Variants in RNF8 observed in about 807,000 individuals in gnomAD.
The protein encoded by RNF8 is ring finger protein 8.
A neutral mutation model predicts 59.3 loss-of-function variants in RNF8; 8 were observed. The ratio of observed to expected loss-of-function variants is 0.13; its 90% CI spans 0.08 to 0.24. The LOEUF (loss-of-function observed/expected upper bound fraction) is 0.24. RNF8 is among the 10% of genes least tolerant of loss of function. RNF8 has a pLI of 1.00. For missense variants in RNF8, 406 were observed against 572.6 expected, an observed-to-expected ratio of 0.71 and a Z score of 2.97; for synonymous variants, 162 against 200.0, an observed-to-expected ratio of 0.81 and a Z score of 1.60.
In RNF8 at chr6:37,381,134, C is replaced by T. The variant is rs1374493765; in HGVS notation, c.1237-16C>T. On this transcript the variant is annotated splice_polypyrimidine_tract_variant and intron_variant, in intron 6 of 7. Coordinates refer to ENST00000373479, the MANE Select transcript of RNF8 (RefSeq NM_003958.4). ...GCATGAAAGTTCTGATATGTGTGTC[C>T]ACATTCCTACTGTAGGCTGTCACCT... 1.2e-6 allele frequency: 2 copies of T among 1,607,114 alleles called. No individual in the cohort carries two copies. The highest frequency in any genetic ancestry group is 1.7e-5 in the Admixed American group (1 of 59,994).
intron 7 of RNF8, among the ~76,000 whole-genome samples, 179 bp from the exon 8 acceptor site, chr6:37,390,563 C>T (rs990565840): frequency 6.6e-6 from 1 of 152,108 alleles, no homozygotes; most frequent in Non-Finnish European, 1.5e-5. Flanking sequence ...CTTTAACTCA[C>T]TGTGAGAGGA....
chr6:37,358,536 G>T (rs1769201415), intron 1 of RNF8, among the ~76,000 whole-genome samples: 1 of 152,142 alleles, frequency 6.6e-6, no homozygotes, highest in African/African-American at 2.4e-5. Context: ...TCAATGTGGG[G>T]ATGAGGGACA....
intron 7 of RNF8, among the ~76,000 whole-genome samples, chr6:37,386,436 C>G (rs1229107963): frequency 6.6e-6 from 1 of 152,112 alleles, no homozygotes; most frequent in African/African-American, 2.4e-5. Context: ...CTGCAGGCAC[C>G]CGGAAAAGTT....
chr6:37,363,234 C>G (rs1429089334), intron 2 of RNF8, among the ~76,000 whole-genome samples: 1 of 152,206 alleles, frequency 6.6e-6, no homozygotes, highest in African/African-American at 2.4e-5. Context: ...CCTCCAGCAA[C>G]TAGAGCAGTG....
At chr6:37,359,250 C>T (rs1173017757) in intron 1 of RNF8, 1 of 451,346 alleles carries the variant, frequency 2.2e-6, no homozygotes, top group Admixed American at 2.4e-5. Context: ...TCTTTTCAAC[C>T]TTTTCCGGAA....
chr6:37,381,338 C>T lies in RNF8; in HGVS notation c.1425C>T (p.Leu475=), dbSNP rs774158527. 3 of 1,613,876 alleles carry T rather than the reference C, an allele frequency of 1.9e-6. No homozygotes were observed. The highest frequency in any genetic ancestry group is 1.3e-5 in the African/African-American group (1 of 74,906). ...AAGTGAAAGAACGACGAATTGTTCT[C>T]ATTAGGGAACGAAAAGGTGAGTGGG... ...SSEVKERRIV[L]IRERKAKRLF The change falls in exon 7 of 8, where the codon CTC becomes CTT. Residue 475 remains leucine (L), a synonymous_variant. Coordinates refer to ENST00000373479, the MANE Select transcript of RNF8 (RefSeq NM_003958.4).
intron 1 of RNF8, among the ~76,000 whole-genome samples, chr6:37,355,716 A>G (rs1044597665): frequency 3.3e-5 from 5 of 152,162 alleles, no homozygotes; most frequent in Non-Finnish European, 7.4e-5. Flanking sequence ...CTGCCTCCAA[A>G]TACCTCTTCT....
chr6:37,369,277 A>G, intron 3 of RNF8, 59 bp downstream of exon 3: 1 of 1,494,350 alleles, frequency 6.7e-7, no homozygotes, highest in Non-Finnish European at 8.9e-7. Flanking sequence ...GCACTTCATG[A>G]GTCTCTGGCC....
At chr6:37,380,747 A>AT (rs1770225764) in intron 6 of RNF8, among the ~76,000 whole-genome samples, 1 of 150,474 alleles carries the variant, frequency 6.6e-6, no homozygotes, top group East Asian at 2.0e-4. Flanking sequence ...CAGTGGTGTG[A>AT]TTTTGTCTCA....
At chr6:37,381,054 C>A in intron 6 of RNF8, 96 bp from the exon 7 acceptor site, 1 of 1,029,976 alleles carries the variant, frequency 9.7e-7, no homozygotes, top group Non-Finnish European at 1.5e-6. Flanking sequence ...TCCATTTGGC[C>A]TTTGAAATTC....
chr6:37,376,754 A>G (rs1475705032), intron 5 of RNF8, among the ~76,000 whole-genome samples, 172 bp from the exon 6 acceptor site: 1 of 152,244 alleles, frequency 6.6e-6, no homozygotes, highest in Non-Finnish European at 1.5e-5. Context: ...TTAGAAAACA[A>G]TTATTGAAAA....
Position 37,390,809 on chromosome 6 carries a change from G to C in RNF8, c.*51G>C, listed in dbSNP as rs1215068662. ...AGACTGCCAGGTAGTGCGAGCCTGA[G>C]ATGGTCTGGAGGATTCTCTCTAGCC... is the stretch of plus-strand genomic sequence containing the variant. On this transcript the variant is annotated 3_prime_UTR_variant, in exon 8 of 8. Coordinates refer to ENST00000373479, the MANE Select transcript of RNF8 (RefSeq NM_003958.4). 1 of 1,614,036 alleles carries C rather than the reference G, an allele frequency of 6.2e-7. No homozygotes were observed. Among genetic ancestry groups the C allele is most frequent in the Non-Finnish European group, 8.5e-7 (1 of 1,180,006 alleles).
intron 1 of RNF8, among the ~76,000 whole-genome samples, chr6:37,357,053 T>C (rs1033358442): frequency 6.6e-6 from 1 of 152,188 alleles, no homozygotes; most frequent in Non-Finnish European, 1.5e-5. Context: ...TTACTTGTTA[T>C]TTGAGAAACA....
chr6:37,360,307 G>A lies in RNF8; in HGVS notation c.112-139G>A. 1.2e-6 allele frequency: 1 copy of A among 860,322 alleles called. No individual in the cohort carries two copies. Among genetic ancestry groups the A allele is most frequent in the Non-Finnish European group, 1.9e-6 (1 of 532,736 alleles). The allele number at this position is 860,322 out of a possible 1,614,324, so 53.3% of individuals were successfully genotyped here. On this transcript the variant is annotated intron_variant, in intron 1 of 7. Coordinates refer to ENST00000373479, the MANE Select transcript of RNF8 (RefSeq NM_003958.4). This position sits in a 1 kb window ranked among gnomAD's most constrained non-coding sequence, Gnocchi z 4.2. Reference sequence around the variant, plus strand: ...CAAGACAGCTGAAGAGGAGATAGCTGATGCACTGTTTTGGTTCCACAGGTG... The same window carrying A: ...CAAGACAGCTGAAGAGGAGATAGCTAATGCACTGTTTTGGTTCCACAGGTG...
chr6:37,371,462 T>C (rs1581680505), intron 3 of RNF8, 50 bp from the exon 4 acceptor site: 1 of 1,544,594 alleles, frequency 6.5e-7, no homozygotes. Flanking sequence ...TTGTGTTCCT[T>C]TTTTTCTTTT....
At position 37,381,327 on chromosome 6, in the gene RNF8, C is replaced by T. The variant is rs1581693170; in HGVS notation, c.1414C>T (p.Arg472Ter). 3.1e-6 allele frequency: 5 copies of T among 1,613,972 alleles called. No homozygotes were observed. The highest frequency in any genetic ancestry group is 4.2e-6 in the Non-Finnish European group (5 of 1,179,992). Residue 472 changes from arginine (R) to a stop codon, truncating the protein, a stop_gained, in exon 7 of 8, where the codon CGA becomes TGA. Coordinates refer to ENST00000373479, the MANE Select transcript of RNF8 (RefSeq NM_003958.4). LOFTEE classifies it high-confidence loss of function. Reference protein sequence around the residue: ...NNLSSEVKERRIVLIRERKAK... With the variant: ...NNLSSEVKER Reference sequence around the variant, plus strand: ...TCTGAGCTCAGAAGTGAAAGAACGACGAATTGTTCTCATTAGGGAACGAAA... The same window carrying T: ...TCTGAGCTCAGAAGTGAAAGAACGATGAATTGTTCTCATTAGGGAACGAAA...
chr6:37,362,708 T>C (rs983260693), intron 2 of RNF8, among the ~76,000 whole-genome samples: 5 of 152,220 alleles, frequency 3.3e-5, no homozygotes, highest in Admixed American at 2.0e-4. Context: ...ATTGCTGTGG[T>C]TGTGTTTGAA....
intron 6 of RNF8, 85 bp from the exon 7 acceptor site, chr6:37,381,065 A>G (rs1426540912): frequency 7.0e-6 from 8 of 1,143,348 alleles, no homozygotes; most frequent in Non-Finnish European, 7.9e-6. Context: ...TTTGAAATTC[A>G]CTCCTGTCCT....
chr6:37,372,491 A>G (rs1418526212), intron 4 of RNF8, among the ~76,000 whole-genome samples: 1 of 152,194 alleles, frequency 6.6e-6, no homozygotes, highest in South Asian at 2.1e-4. Flanking sequence ...GAGAGTAGGC[A>G]TGTTTCCCAT....
Sources: gnomAD v4.1 joint callset for allele counts (sites outside exome capture counted in the v4.1 genomes callset) on GRCh38, gnomAD v4.1.1 for gene constraint, Gnocchi (gnomAD v3.1) non-coding constraint, MANE v1.5 for transcripts, NCBI Gene and HGNC (gene_info 2026-07-23, HGNC 2026-07-21) for gene names.